Variants in ANK3 observed in about 807,000 individuals in gnomAD.
ANK3 encodes the protein ankyrin 3.
ANK3 carries 57 observed loss-of-function variants against 370.9 expected under a neutral mutation model. The observed-to-expected ratio is 0.15, with a 90% CI of 0.12 to 0.19. The LOEUF (loss-of-function observed/expected upper bound fraction) is 0.19, where lower values mean the gene tolerates loss of function less well. ANK3 is among the 10% of genes least tolerant of loss of function. The pLI is 1.00. For synonymous variants in ANK3, 1,929 were observed against 1,946.3 expected, an observed-to-expected ratio of 0.99 and a Z score of 0.23; for missense variants, 4,439 against 5,302.1, an observed-to-expected ratio of 0.84 and a Z score of 5.06.
At chr10:60,289,861 G>A (rs148279631) in intron 1 of ANK3, among the ~76,000 whole-genome samples, 44 of 152,280 alleles carry the variant, frequency 2.9e-4, no homozygotes, top group African/African-American at 9.4e-4. Context: ...ATAAGATAAC[G>A]TCCAACAAAA....
At chr10:60,095,006 G>C (rs2089792409) in intron 28 of ANK3, among the ~76,000 whole-genome samples, 1 of 152,220 alleles carries the variant, frequency 6.6e-6, no homozygotes, top group Non-Finnish European at 1.5e-5. Context: ...GACAGCTGGA[G>C]AGAGGCCCCA....
chr10:60,210,207 A>G (rs577567352), intron 9 of ANK3, among the ~76,000 whole-genome samples: 3 of 152,314 alleles, frequency 2.0e-5, no homozygotes, highest in African/African-American at 4.8e-5. Context: ...CTTTCATTCT[A>G]TTGAAGAGAA....
chr10:60,545,878 A>G (rs1463015654), intron 2 of ANK3, among the ~76,000 whole-genome samples: 2 of 152,220 alleles, frequency 1.3e-5, no homozygotes, highest in Admixed American at 6.5e-5. Flanking sequence ...AGAAAAGATA[A>G]TGATATAATG....
intron 24 of ANK3, chr10:60,138,678 C>A: frequency 2.1e-6 from 1 of 479,246 alleles, no homozygotes; most frequent in Non-Finnish European, 3.6e-6. Flanking sequence ...TTGGTTCTCC[C>A]AGTTTTGTCA....
chr10:60,698,902 T>TAAA (rs2079507191), intron 1 of ANK3, among the ~76,000 whole-genome samples: 1 of 141,340 alleles, frequency 7.1e-6, no homozygotes, highest in East Asian at 2.0e-4. Flanking sequence ...TAAAGTATAA[T>TAAA]AATAATAATA....
intron 25 of ANK3, among the ~76,000 whole-genome samples, chr10:60,126,377 A>C (rs2093755218): frequency 1.3e-5 from 2 of 152,152 alleles, no homozygotes; most frequent in African/African-American, 4.8e-5. Flanking sequence ...TCCTTTCTAA[A>C]GTTTTTGTTT....
At chr10:60,572,933 A>G (rs2077633078) in intron 2 of ANK3, 4 of 998,140 alleles carry the variant, frequency 4.0e-6, no homozygotes. Context: ...ACACCCTCAC[A>G]CACACAGAAA....
chr10:60,226,482 TA>T (rs2097148555), intron 8 of ANK3, among the ~76,000 whole-genome samples: 2 of 72,724 alleles, frequency 2.8e-5, no homozygotes, highest in African/African-American at 2.2e-4. Flanking sequence ...ATATATACTA[TA>T]TATATACATA....
chr10:60,250,531 A>AT (rs1182690797), intron 7 of ANK3, among the ~76,000 whole-genome samples: 124 of 151,854 alleles, frequency 8.2e-4, no homozygotes, highest in African/African-American at 2.7e-3. Flanking sequence ...CGCCCAGCTA[A>AT]TTTTTTTGTA....
intron 8 of ANK3, among the ~76,000 whole-genome samples, chr10:60,221,362 G>A (rs1172462181): frequency 6.6e-6 from 1 of 152,110 alleles, no homozygotes; most frequent in Non-Finnish European, 1.5e-5. Context: ...TTACAGGCGT[G>A]AGCCATCGTG....
At chr10:60,355,599 C>G (rs1468463588) in intron 1 of ANK3, among the ~76,000 whole-genome samples, 1 of 152,188 alleles carries the variant, frequency 6.6e-6, no homozygotes, top group East Asian at 1.9e-4. Flanking sequence ...AAAAGACAAG[C>G]TGGCTGAACA....
chr10:60,240,058 C>CAT (rs1161098360), intron 7 of ANK3, among the ~76,000 whole-genome samples: 107 of 66,388 alleles, frequency 1.6e-3, no homozygotes, highest in South Asian at 9.2e-3. Flanking sequence ...CATATATACA[C>CAT]ATATATACAT....
At chr10:60,450,418 A>C (rs1420127624) in intron 2 of ANK3, among the ~76,000 whole-genome samples, 1 of 152,182 alleles carries the variant, frequency 6.6e-6, no homozygotes, top group East Asian at 1.9e-4. Context: ...AATATTTAAC[A>C]ATCAGCAATC....
intron 1 of ANK3, among the ~76,000 whole-genome samples, chr10:60,725,360 C>A (rs1353270464): frequency 1.3e-5 from 2 of 152,194 alleles, no homozygotes; most frequent in African/African-American, 4.8e-5. Context: ...CAACCTTGGA[C>A]ATGTCCTCTT....
chr10:60,608,299 A>G (rs2133313802), intron 2 of ANK3, among the ~76,000 whole-genome samples: 2 of 152,304 alleles, frequency 1.3e-5, no homozygotes, highest in East Asian at 3.9e-4. Context: ...CCATAAGCTC[A>G]AAATACAAAC....
chr10:60,580,882 C>T lies in ANK3; in HGVS notation c.96+34304G>A, dbSNP rs115293275. 5.6e-3 allele frequency among the ~76,000 whole-genome samples: 857 copies of T among 152,316 alleles called. 10 individuals carry two copies. The highest frequency in any genetic ancestry group is 0.02 in the African/African-American group (813 of 41,574). ...ATGAAAGAAATGAACTACAAGCTTG[C>T]TTTCTCTACCTATAAGGGAGAAGAC... On this transcript the variant is annotated intron_variant, in intron 2 of 43. Transcript: ENST00000373827.
rs1262783330 is a variant in ANK3 at position 60,363,971 on chromosome 10, T to G, written c.114+25454A>C. On this transcript the variant is annotated intron_variant, in intron 1 of 43. Coordinates refer to ENST00000280772, the MANE Select transcript of ANK3 (RefSeq NM_020987.5). Reference sequence around the variant, plus strand: ...AGTTAAAAAAGAGGAAGGAGAAGTGTTTTTTTTTTTTTTTTTTTTTTTTAA... The same window carrying G: ...AGTTAAAAAAGAGGAAGGAGAAGTGGTTTTTTTTTTTTTTTTTTTTTTTAA... Among the ~76,000 whole-genome samples the G allele has an allele frequency of 8.3e-4, 26 of 31,476 alleles. No individual in the cohort carries two copies. The East Asian group carries it at 0.019, about 23-fold the overall frequency. 20.6% of individuals were successfully genotyped at this position (31,476 alleles called of 152,430 possible). A position where few individuals can be genotyped will look rare whatever the true frequency, so the allele number is the denominator to read the frequency against.
intron 2 of ANK3, among the ~76,000 whole-genome samples, chr10:60,410,743 C>T (rs778473799): frequency 1.3e-5 from 2 of 150,224 alleles, no homozygotes; most frequent in Non-Finnish European, 3.0e-5. Flanking sequence ...CATAGCTCAC[C>T]GCATCCTCAA....
intron 7 of ANK3, among the ~76,000 whole-genome samples, chr10:60,253,938 C>A (rs1055313072): frequency 1.3e-5 from 2 of 152,054 alleles, no homozygotes; most frequent in African/African-American, 4.8e-5. Context: ...TATTTTCTCA[C>A]TTGTGATTTA....
Sources: gnomAD v4.1 joint callset for allele counts (sites outside exome capture counted in the v4.1 genomes callset) on GRCh38, gnomAD v4.1.1 for gene constraint, MANE v1.5 for transcripts, NCBI Gene and HGNC (gene_info 2026-07-23, HGNC 2026-07-21) for gene names.